The following TGIF1 variants were observed in gnomAD, a reference collection of about 807,000 sequenced individuals.
The protein encoded by TGIF1 is TGFB induced factor homeobox 1.
Under a neutral mutation model 19.3 loss-of-function variants are expected in TGIF1, and 4 were observed. The ratio of observed to expected loss-of-function variants is 0.21; its 90% CI spans 0.10 to 0.47. TGIF1 has a LOEUF of 0.47. Among genes scored for constraint, TGIF1 ranks in the 20% least tolerant of loss-of-function variants. TGIF1 has a pLI of 0.98. For missense variants in TGIF1, 275 were observed against 341.4 expected, an observed-to-expected ratio of 0.81 and a Z score of 1.53; for synonymous variants, 122 against 129.3, an observed-to-expected ratio of 0.94 and a Z score of 0.38.
At chr18:3,449,769 G>A (rs2082840934), upstream of TGIF1, 2 of 985,428 alleles carry the variant, frequency 2.0e-6, no homozygotes, top group Non-Finnish European at 2.4e-6. Flanking sequence ...TGTCAAAAAC[G>A]AGACGGGGAG....
Position 3,456,164 on chromosome 18 carries a change from A to G in TGIF1, c.17-190A>G. ...AAAAGGCATCTGGCATTTGGTTGAG[A>G]GCCTCCTATGTGGTGCTAGTCAAAC... On this transcript the variant is annotated intron_variant, in intron 1 of 2. Transcript: ENST00000343820. The surrounding 1 kb of genome is among the most constrained non-coding windows in gnomAD (Gnocchi z 4.2). 1.5e-6 allele frequency: 1 copy of G among 686,022 alleles called. No homozygotes were observed. 42.5% of individuals were successfully genotyped at this position (686,022 alleles called of 1,614,324 possible).
chr18:3,452,078 C>T (rs1270682256), intron 1 of TGIF1: 1 of 1,614,006 alleles, frequency 6.2e-7, no homozygotes, highest in Non-Finnish European at 8.5e-7. Context: ...GGCCCGCCTC[C>T]CACCCCGGGA....
chr18:3,430,157 AAAGAG>A (rs1187575977), intron 2 of TGIF1, among the ~76,000 whole-genome samples: 1 of 152,230 alleles, frequency 6.6e-6, no homozygotes, highest in Non-Finnish European at 1.5e-5. Flanking sequence ...TGTCTCAACA[AAAGAG>A]AAAAGACTGT....
chr18:3,453,466 C>T (rs2083056071), intron 1 of TGIF1, among the ~76,000 whole-genome samples: 1 of 151,980 alleles, frequency 6.6e-6, no homozygotes, highest in African/African-American at 2.4e-5. Context: ...GCGAGCAGAT[C>T]ATCTGAGGTC....
intron 2 of TGIF1, among the ~76,000 whole-genome samples, chr18:3,427,570 C>T (rs1216116108): frequency 1.3e-5 from 2 of 151,136 alleles, no homozygotes; most frequent in Admixed American, 6.6e-5. Flanking sequence ...GGATTACAGG[C>T]GTGAGCCACT....
chr18:3,447,886 G>A, upstream of TGIF1: 1 of 1,565,354 alleles, frequency 6.4e-7, no homozygotes, highest in East Asian at 2.2e-5. Flanking sequence ...TGGAAAGTTT[G>A]TTTTCAAGCT....
chr18:3,421,890 A>T (rs1365162085), intron 2 of TGIF1, among the ~76,000 whole-genome samples: 1 of 151,988 alleles, frequency 6.6e-6, no homozygotes, highest in African/African-American at 2.4e-5. Flanking sequence ...GGAAAGATAT[A>T]CAGGTGAAAG....
intron 1 of TGIF1, among the ~76,000 whole-genome samples, chr18:3,417,696 T>C (rs1486220309): frequency 6.6e-6 from 1 of 152,242 alleles, no homozygotes; most frequent in African/African-American, 2.4e-5. Flanking sequence ...TATTTCCAAA[T>C]ATTCATTTCT....
chr18:3,425,980 C>A (rs577001015), intron 2 of TGIF1, among the ~76,000 whole-genome samples: 30 of 152,092 alleles, frequency 2.0e-4, no homozygotes, highest in Non-Finnish European at 3.4e-4. Flanking sequence ...TGCCCCCGCC[C>A]CATATTTGGT....
chr18:3,457,253 A>T lies in TGIF1; in HGVS notation c.244-112A>T. Reference sequence around the variant, plus strand: ...ATTGTAAATTCAGATAAGGCTTTTCATGCTTTCTTTAATTCAGAGAGCAAG... The same window carrying T: ...ATTGTAAATTCAGATAAGGCTTTTCTTGCTTTCTTTAATTCAGAGAGCAAG... On this transcript the variant is annotated intron_variant, in intron 2 of 2. Transcript: ENST00000343820. This position sits in a 1 kb window ranked among gnomAD's most constrained non-coding sequence, Gnocchi z 4.9. 8.5e-7 allele frequency: 1 copy of T among 1,180,548 alleles called. No individual in the cohort carries two copies. Among genetic ancestry groups the T allele is most frequent in the African/African-American group, 1.5e-5 (1 of 66,134 alleles). The allele number at this position is 1,180,548 out of a possible 1,614,324, so 73.1% of individuals were successfully genotyped here. A position where few individuals can be genotyped will look rare whatever the true frequency, so the allele number is the denominator to read the frequency against.
upstream of TGIF1, among the ~76,000 whole-genome samples, chr18:3,446,852 T>G (rs2082754255): frequency 6.6e-6 from 1 of 152,156 alleles, no homozygotes; most frequent in African/African-American, 2.4e-5. Context: ...TTCCAGAGAC[T>G]GGAAGTGAAA....
Position 3,456,848 on chromosome 18 carries a change from C to T in TGIF1, c.243+268C>T, listed in dbSNP as rs2049373131. On this transcript the variant is annotated intron_variant, in intron 2 of 2. Transcript: ENST00000343820. The surrounding 1 kb of genome is among the most constrained non-coding windows in gnomAD (Gnocchi z 4.2). ...GACATTAAAAGGAGGTTAAACCTTACTCTATTGTCCAGGAAACTGGTTTGA... is the reference window on the plus strand; with the variant it reads ...GACATTAAAAGGAGGTTAAACCTTATTCTATTGTCCAGGAAACTGGTTTGA... 8 of 611,036 alleles carry T rather than the reference C, an allele frequency of 1.3e-5. No homozygotes were observed. The highest frequency in any genetic ancestry group is 2.3e-5 in the Non-Finnish European group (8 of 346,182). The allele number at this position is 611,036 out of a possible 1,614,324, so 37.9% of individuals were successfully genotyped here.
intron 2 of TGIF1, among the ~76,000 whole-genome samples, chr18:3,420,070 A>T (rs1447970087): frequency 6.6e-6 from 1 of 152,178 alleles, no homozygotes; most frequent in East Asian, 1.9e-4. Flanking sequence ...GTAATCATGT[A>T]AATGCTCAAT....
At chr18:3,418,559 G>A (rs538531274) in intron 2 of TGIF1, 62 of 152,216 alleles carry the variant, frequency 4.1e-4, no homozygotes, top group African/African-American at 1.4e-3. Context: ...TTGTTATACT[G>A]TATTATTCAG....
At position 3,457,441 on chromosome 18, in the gene TGIF1, A is replaced by T. The variant is rs28939693; in HGVS notation, c.320A>T (p.Gln107Leu). 483 of 1,614,210 alleles carry T rather than the reference A, an allele frequency of 3.0e-4. 1 individual carries two copies. The Middle Eastern group carries it at 6.9e-3, about 23-fold the overall frequency. Residue 107 changes from glutamine to leucine, a missense_variant, in exon 3 of 3, where the codon CAG (glutamine) becomes CTG (leucine). Transcript: ENST00000343820. This position sits in a 1 kb window ranked among gnomAD's most constrained non-coding sequence, Gnocchi z 4.9. ...MLRKDGKDPNQFTISRRGAKI... is the reference protein window; with the variant it reads ...MLRKDGKDPNLFTISRRGAKI... ...AGAAAGGATGGCAAAGATCCAAATCAGTTCACAATTTCCCGCCGTGGGGCC... is the reference window on the plus strand; with the variant it reads ...AGAAAGGATGGCAAAGATCCAAATCTGTTCACAATTTCCCGCCGTGGGGCC...
chr18:3,415,521 G>A (rs12962554), intron 1 of TGIF1: 14,431 of 441,080 alleles, frequency 0.033, 324 homozygotes, highest in Middle Eastern at 0.047. Flanking sequence ...CAGCAATGGT[G>A]CCAGCACCCC....
upstream of TGIF1, among the ~76,000 whole-genome samples, chr18:3,445,851 C>A (rs981511358): frequency 2.0e-5 from 3 of 148,822 alleles, no homozygotes; most frequent in African/African-American, 4.9e-5. Context: ...CACAACCCCC[C>A]ACAGTGTTCA....
intron 2 of TGIF1, among the ~76,000 whole-genome samples, chr18:3,421,416 T>A (rs183650097): frequency 6.7e-6 from 1 of 148,224 alleles, no homozygotes; most frequent in Non-Finnish European, 1.5e-5. Context: ...AATATATATA[T>A]ACACACATAT....
intron 2 of TGIF1, among the ~76,000 whole-genome samples, chr18:3,435,531 T>G (rs915129918): frequency 1.3e-5 from 2 of 152,120 alleles, no homozygotes; most frequent in Non-Finnish European, 2.9e-5. Context: ...TGTCTCTAAT[T>G]GATTCTGGAG....
Sources: gnomAD v4.1 joint callset for allele counts (sites outside exome capture counted in the v4.1 genomes callset) on GRCh38, gnomAD v4.1.1 for gene constraint, Gnocchi (gnomAD v3.1) non-coding constraint, MANE v1.5 for transcripts, NCBI Gene and HGNC (gene_info 2026-07-23, HGNC 2026-07-21) for gene names.